DALRD3: variants seen among roughly 807,000 people sequenced by gnomAD.
The protein encoded by DALRD3 is DALR anticodon-binding domain-containing protein 3.
DALRD3 carries 47 observed loss-of-function variants against 56.7 expected under a neutral mutation model. The observed-to-expected ratio is 0.83, with a 90% CI of 0.66 to 1.06. DALRD3 has a LOEUF of 1.06. DALRD3 is among the 50% of genes least tolerant of loss of function. DALRD3 has a pLI of 0.00. For missense variants in DALRD3, 787 were observed against 724.0 expected, an observed-to-expected ratio of 1.09 and a Z score of -1.00; for synonymous variants, 347 against 308.5, an observed-to-expected ratio of 1.12 and a Z score of -1.31.
rs751053909 is a variant in DALRD3 at position 49,018,477 on chromosome 3, T to C, written c.88A>G (p.Thr30Ala). The C allele has an allele frequency of 1.3e-6, 2 of 1,587,264 alleles. No homozygotes were observed. The highest frequency in any genetic ancestry group is 1.8e-5 in the Admixed American group (1 of 57,000). ...CGGGAACGCAGGTGGCGGGTGCGCG[T>C]CTCCTTGATCCACACCGGACCGCCT... ...GPGGPVWIKE[T>A]RTRHLRSRDF... Residue 30 changes from threonine (T) to alanine (A), a missense_variant, in exon 1 of 12, where the codon ACG becomes GCG. Thr to Ala is a moderately conservative substitution (Grantham distance 58). Transcript: ENST00000341949.
upstream of DALRD3, chr3:49,021,057 G>C (rs908751091): frequency 3.1e-5 from 5 of 159,988 alleles, no homozygotes; most frequent in African/African-American, 1.2e-4. The surrounding 1 kb of genome is among the most constrained non-coding windows in gnomAD (Gnocchi z 4.1). Flanking sequence ...GTCCACCTCG[G>C]GGACACCCCC....
rs7100 is a variant in DALRD3 at position 49,015,786 on chromosome 3, A to G, written c.1512+18T>C. ...TATACCTCTCTGCACGTCCCACCCC[A>G]TTTTGCTGTGTGCTCACCCCCAGGA... On this transcript the variant is annotated intron_variant, in intron 11 of 11. Transcript: ENST00000341949. 1,283,314 of 1,613,944 alleles carry G rather than the reference A, an allele frequency of 0.8. 513,796 individuals are homozygous for G. Among genetic ancestry groups the G allele is most frequent in the East Asian group, 1 (44,857 of 44,872 alleles).
chr3:49,019,087 G>A, upstream of DALRD3: 3 of 952,558 alleles, frequency 3.1e-6, no homozygotes, highest in Non-Finnish European at 3.7e-6. Context: ...TTTTTTGTTT[G>A]TTTGAGACGG....
At chr3:49,015,921 C>T (rs769323842) in intron 10 of DALRD3, 49 bp from the exon 11 acceptor site, 1 of 1,614,190 alleles carries the variant, frequency 6.2e-7, no homozygotes, top group Non-Finnish European at 8.5e-7. Context: ...TCTTGTGCCC[C>T]AGGCCAGAAT....
At chr3:49,020,380 CGGGCTGA>C, upstream of DALRD3, 3 of 416,278 alleles carry the variant, frequency 7.2e-6, no homozygotes, top group South Asian at 3.4e-5. Context: ...TAGCGAGATG[CGGGCTGA>C]GGCAGCCCTG....
rs1032135266 is a variant in DALRD3, at chr3:49,015,716, G to C, written c.1513-9C>G. 17 of 1,614,072 alleles carry C rather than the reference G, an allele frequency of 1.1e-5. No individual in the cohort carries two copies. Among genetic ancestry groups the C allele is most frequent in the Non-Finnish European group, 1.4e-5 (16 of 1,180,006 alleles). ...AGGTGTGGTCGAGGCTCCTGAAAGA[G>C]AAAGGGCCTGCTGGTCTCATCCTCT... On this transcript the variant is annotated splice_polypyrimidine_tract_variant and intron_variant, in intron 11 of 11. Coordinates refer to ENST00000341949, the MANE Select transcript of DALRD3 (RefSeq NM_001009996.3).
rs751885820 is a variant in DALRD3 at position 49,018,037 on chromosome 3, G to C, written c.447C>G (p.Ala149=). ...TVLVADHLAR[A]LRAHGVCVRL... ...GCCCCGCTCACCCGTGAGCGCGCAG[G>C]GCTCGCGCCAGGTGATCGGCCACGA... The change falls in exon 2 of 12, where the codon GCC becomes GCG. Residue 149 remains alanine, a synonymous_variant. Coordinates refer to ENST00000341949, the MANE Select transcript of DALRD3 (RefSeq NM_001009996.3). 7 of 1,487,002 alleles carry C rather than the reference G, an allele frequency of 4.7e-6. No individual in the cohort carries two copies. The East Asian group carries it at 7.0e-5, about 15-fold the overall frequency. 92.1% of individuals were successfully genotyped at this position (1,487,002 alleles called of 1,614,324 possible). A position where few individuals can be genotyped will look rare whatever the true frequency, so the allele number is the denominator to read the frequency against.
Position 49,016,179 on chromosome 3 carries a change from G to A in DALRD3, c.1308C>T (p.Asp436=), listed in dbSNP as rs150070120. 8.8e-5 allele frequency: 142 copies of A among 1,614,138 alleles called. No homozygotes were observed. In the East Asian group the frequency reaches 9.6e-4, roughly 11 times the overall value. The change falls in exon 9 of 12, where the codon GAC becomes GAT. Residue 436 remains aspartate, a synonymous_variant. Coordinates refer to ENST00000341949, the MANE Select transcript of DALRD3 (RefSeq NM_001009996.3). ...YPTFPPVSSL[D]FSLLHDEGEW... ...TCACCTCATCATGTAGCAGTGAGAA[G>A]TCCAGACTGCTCACAGGAGGAAAAG...
chr3:49,016,991 C>A, intron 5 of DALRD3, 144 bp from the exon 6 acceptor site: 1 of 1,036,616 alleles, frequency 9.6e-7, no homozygotes, highest in Non-Finnish European at 1.4e-6. Flanking sequence ...TACCCAGCCA[C>A]TCAGGCTACG....
Position 49,017,859 on chromosome 3 carries a change from G to C in DALRD3, c.472C>G (p.Arg158Gly). The C allele has an allele frequency of 1.2e-6, 2 of 1,600,510 alleles. No homozygotes were observed. Among genetic ancestry groups the C allele is most frequent in the South Asian group, 2.2e-5 (2 of 90,722 alleles). The change falls in exon 3 of 12, where the codon CGC (arginine) becomes GGC (glycine). Residue 158 changes from arginine to glycine, a missense_variant. Arg to Gly is a moderately radical substitution (Grantham distance 125, BLOSUM62 -2). Coordinates refer to ENST00000341949, the MANE Select transcript of DALRD3 (RefSeq NM_001009996.3). ...RALRAHGVCV[R>G]LVPAVRDPHM... ...GGATCCCGCACAGCTGGCACTAGGC[G>C]CACGCACACCCTGCGAAGGGAGGGC...
At chr3:49,020,193 G>T (rs373595281), upstream of DALRD3, 84 of 534,606 alleles carry the variant, frequency 1.6e-4, no homozygotes, top group East Asian at 1.0e-3. Flanking sequence ...CTTCTCGGGT[G>T]CCCACTCAAC....
rs568011334 is a variant in DALRD3 at position 49,018,569 on chromosome 3, A to G, written c.-5T>C. 34 of 1,567,148 alleles carry G rather than the reference A, an allele frequency of 2.2e-5. No individual in the cohort carries two copies. In the Admixed American group the frequency reaches 5.9e-4, roughly 27 times the overall value. On this transcript the variant is annotated 5_prime_UTR_variant, in exon 1 of 12. Coordinates refer to ENST00000341949, the MANE Select transcript of DALRD3 (RefSeq NM_001009996.3). ...CCCAAGGCGCCTGGTCGCCATGGTG[A>G]CCGGAAGGAGTAAGCGGAACCGGAA...
At chr3:49,021,077 G>T (rs2093152103), upstream of DALRD3, 1 of 158,334 alleles carries the variant, frequency 6.3e-6, no homozygotes, top group Non-Finnish European at 1.4e-5. This position sits in a 1 kb window ranked among gnomAD's most constrained non-coding sequence, Gnocchi z 4.1. Flanking sequence ...CGCGCTCGGT[G>T]GCCTTTGTCC....
Position 49,018,098 on chromosome 3 carries a change from G to C in DALRD3, c.386C>G (p.Pro129Arg), listed in dbSNP as rs748420382. The C allele has an allele frequency of 1.1e-5, 16 of 1,485,884 alleles. No individual in the cohort carries two copies. The highest frequency in any genetic ancestry group is 2.3e-4 in the Middle Eastern group (1 of 4,444). The allele number at this position is 1,485,884 out of a possible 1,614,324, so 92.0% of individuals were successfully genotyped here. A position where few individuals can be genotyped will look rare whatever the true frequency, so the allele number is the denominator to read the frequency against. Residue 129 changes from proline to arginine, a missense_variant, in exon 2 of 12, where the codon CCC (proline) becomes CGC (arginine). By Grantham distance (103) the Pro-to-Arg change is moderately radical. Coordinates refer to ENST00000341949, the MANE Select transcript of DALRD3 (RefSeq NM_001009996.3). ...CAGCTGGCTCAAGCGGAGTGCGCAG[G>C]GGGAGCTGCGCAGTGCTGGGCAGTG... is the stretch of plus-strand genomic sequence containing the variant. ...LLHCPALRSS[P>R]CALRLSQLRT... is the part of the protein sequence containing the mutation.
At chr3:49,019,645 A>G (rs2093134936), upstream of DALRD3, among the ~76,000 whole-genome samples, 2 of 149,650 alleles carry the variant, frequency 1.3e-5, 1 homozygote, top group African/African-American at 4.9e-5. Flanking sequence ...ACGCCCGGCT[A>G]CTTTTGTATT....
upstream of DALRD3, chr3:49,020,363 C>A: frequency 2.3e-6 from 1 of 435,118 alleles, no homozygotes; most frequent in South Asian, 1.6e-5. Flanking sequence ...AGTAAGAGGG[C>A]TATCTTTAGC....
chr3:49,020,839 C>T, upstream of DALRD3: 1 of 343,374 alleles, frequency 2.9e-6, no homozygotes, highest in South Asian at 2.2e-5. Flanking sequence ...GGGAACAAGA[C>T]GCTCACCTGG....
chr3:49,016,435 CTG>C lies in DALRD3; in HGVS notation c.1138_1139del (p.Gln380GlufsTer9), dbSNP rs752638605. 2.7e-4 allele frequency: 440 copies of C among 1,613,438 alleles called. No homozygotes were observed. The highest frequency in any genetic ancestry group is 3.6e-4 in the Non-Finnish European group (423 of 1,179,768). ...IKFEMLSTAPQSQLFLALADS... is the reference protein window; with the variant it reads ...IKFEMLSTAPXSQLFLALADS... ...GTCAGGCTCCCAGGCTCACCTGACT[CTG>C]TGGGGCTGTGCTCAGCATCTCAAAC... is the stretch of plus-strand genomic sequence containing the variant. On this transcript the variant is annotated frameshift_variant, in exon 8 of 12. Coordinates refer to ENST00000341949, the MANE Select transcript of DALRD3 (RefSeq NM_001009996.3). LOFTEE classifies it high-confidence loss of function.
At position 49,016,470 on chromosome 3, in the gene DALRD3, T is replaced by C; in HGVS notation, c.1105A>G (p.Thr369Ala). ...TEIFGVLSVA[T>A]IKFEMLSTAP... ...GTGCTCAGCATCTCAAACTTGATGG[T>C]GGCCACAGAGAGAACACCAAAGATC... is the stretch of plus-strand genomic sequence containing the variant. Residue 369 changes from threonine (T) to alanine (A), a missense_variant, in exon 8 of 12, where the codon ACC becomes GCC. Coordinates refer to ENST00000341949, the MANE Select transcript of DALRD3 (RefSeq NM_001009996.3). The C allele has an allele frequency of 1.2e-6, 2 of 1,614,044 alleles. No homozygotes were observed. The highest frequency in any genetic ancestry group is 1.7e-6 in the Non-Finnish European group (2 of 1,179,990).
Sources: allele counts gnomAD v4.1 joint callset (sites outside exome capture counted in the v4.1 genomes callset), GRCh38; gene constraint gnomAD v4.1.1; non-coding constraint Gnocchi (gnomAD v3.1); transcripts MANE v1.5; gene names NCBI Gene and HGNC (gene_info 2026-07-23, HGNC 2026-07-21).